The following VPS13B variants were observed in gnomAD, a reference collection of about 807,000 sequenced individuals.
VPS13B encodes vacuolar protein sorting 13 homolog B.
In VPS13B, 285 loss-of-function variants were observed where a neutral mutation model predicts 426.4. The ratio of observed to expected loss-of-function variants is 0.67; its 90% CI spans 0.61 to 0.74. The LOEUF (loss-of-function observed/expected upper bound fraction) is 0.74. Among genes scored for constraint, VPS13B ranks in the 30% least tolerant of loss-of-function variants. The pLI is 0.00. For missense variants in VPS13B, 4,537 were observed against 4,782.6 expected (o/e 0.95, Z 1.51); for synonymous variants, 1,676 against 1,676.4 (o/e 1.00, Z 0.01).
chr8:99,693,296 G>A (rs1831775566), intron 35 of VPS13B, among the ~76,000 whole-genome samples: 3 of 150,204 alleles, frequency 2.0e-5, no homozygotes, highest in African/African-American at 7.3e-5. Flanking sequence ...AAAATCCTCA[G>A]TAAAATACTG....
intron 28 of VPS13B, among the ~76,000 whole-genome samples, chr8:99,510,892 G>A (rs553554839): frequency 6.6e-6 from 1 of 152,228 alleles, no homozygotes; most frequent in South Asian, 2.1e-4. Flanking sequence ...TCTAGAACTG[G>A]AACTCAGGAT....
At chr8:99,519,084 G>A (rs189640615) in intron 29 of VPS13B, among the ~76,000 whole-genome samples, 131 of 152,322 alleles carry the variant, frequency 8.6e-4, no homozygotes, top group African/African-American at 3.1e-3. Context: ...AGAGTAAAAT[G>A]TAAATGTATT....
intron 17 of VPS13B, among the ~76,000 whole-genome samples, chr8:99,216,320 A>G (rs1195856900): frequency 6.6e-6 from 1 of 152,088 alleles, no homozygotes; most frequent in Non-Finnish European, 1.5e-5. Flanking sequence ...TACTTGGCTT[A>G]TAACCACTTA....
chr8:99,206,550 C>A (rs1814736006), intron 17 of VPS13B, among the ~76,000 whole-genome samples: 1 of 152,164 alleles, frequency 6.6e-6, no homozygotes, highest in South Asian at 2.1e-4. Flanking sequence ...AGCCAAGCAA[C>A]CTTTACTTAC....
At chr8:99,819,696 C>A in intron 48 of VPS13B, 114 bp downstream of exon 48, 1 of 1,291,530 alleles carries the variant, frequency 7.7e-7, no homozygotes, top group Non-Finnish European at 1.1e-6. Flanking sequence ...CAGATTCTTA[C>A]CTTTTATCAT....
intron 47 of VPS13B, 25 bp from the exon 48 acceptor site, chr8:99,819,387 C>T: frequency 6.2e-7 from 1 of 1,611,228 alleles, no homozygotes; most frequent in Non-Finnish European, 8.5e-7. Flanking sequence ...GATAATTATT[C>T]TTGGTTTTTA....
chr8:99,731,086 A>G (rs1010202964), intron 39 of VPS13B, among the ~76,000 whole-genome samples: 2 of 152,154 alleles, frequency 1.3e-5, no homozygotes, highest in Admixed American at 6.5e-5. Context: ...GGCAGAACAT[A>G]TTTCTGGGAA....
At position 99,642,227 on chromosome 8, in the gene VPS13B, C is replaced by G; in HGVS notation, c.5637C>G (p.Ser1879Arg). Reference sequence around the variant, plus strand: ...CAGCAGAAGATCTCTTAAGGAGCAGCATTTCTTTTCCTTCAGGGAAAAAAA... The same window carrying G: ...CAGCAGAAGATCTCTTAAGGAGCAGGATTTCTTTTCCTTCAGGGAAAAAAA... ...TVTAEDLLRS[S>R]ISFPSGKKIG... Residue 1879 changes from serine to arginine, a missense_variant, in exon 34 of 62, where the codon AGC (serine) becomes AGG (arginine). By Grantham distance (110) the Ser-to-Arg change is moderately radical. This residue lies in a region of VPS13B where 4,311 missense variants were observed against 4,474.3 expected (regional missense o/e 0.96). Coordinates refer to ENST00000357162, the MANE Select transcript of VPS13B (RefSeq NM_152564.5). 6.2e-7 allele frequency: 1 copy of G among 1,614,156 alleles called. No homozygotes were observed. The highest frequency in any genetic ancestry group is 8.5e-7 in the Non-Finnish European group (1 of 1,180,024).
intron 43 of VPS13B, among the ~76,000 whole-genome samples, chr8:99,800,691 C>T (rs890294529): frequency 6.6e-6 from 1 of 151,992 alleles, no homozygotes; most frequent in Non-Finnish European, 1.5e-5. Flanking sequence ...AAAAATGCTA[C>T]TATTTTCCCC....
At chr8:99,604,585 C>T (rs568183761) in intron 33 of VPS13B, among the ~76,000 whole-genome samples, 116 of 149,708 alleles carry the variant, frequency 7.7e-4, no homozygotes, top group Admixed American at 1.3e-3. Flanking sequence ...CTGCAAGCTC[C>T]GCCTCCCGGG....
Position 99,326,076 on chromosome 8 carries a change from T to C in VPS13B, c.2824+50822T>C, listed in dbSNP as rs549379214. On this transcript the variant is annotated intron_variant, in intron 19 of 61. Transcript: ENST00000357162. ...AAAAATTATTTCTTACTCTACAGTT[T>C]TCCTTCTTGGCAATTTCTTATTGCA... Among the ~76,000 whole-genome samples, 22 of 152,288 alleles carry C rather than the reference T, an allele frequency of 1.4e-4. No individual in the cohort carries two copies. In the East Asian group the frequency reaches 3.9e-3, roughly 27 times the overall value.
intron 19 of VPS13B, among the ~76,000 whole-genome samples, chr8:99,316,987 T>A: frequency 6.6e-6 from 1 of 152,248 alleles, no homozygotes; most frequent in East Asian, 1.9e-4. Flanking sequence ...GAAACAAATG[T>A]TCTTACTAAA....
At chr8:99,063,151 T>C (rs974173749) in intron 3 of VPS13B, among the ~76,000 whole-genome samples, 1 of 152,198 alleles carries the variant, frequency 6.6e-6, no homozygotes, top group African/African-American at 2.4e-5. Context: ...CCCAGCGTGA[T>C]TGACACAGAA....
intron 51 of VPS13B, among the ~76,000 whole-genome samples, chr8:99,827,136 G>A (rs915738530): frequency 6.6e-6 from 1 of 152,190 alleles, no homozygotes; most frequent in African/African-American, 2.4e-5. Flanking sequence ...AATAGTTTCA[G>A]AAGGAATGAT....
intron 22 of VPS13B, among the ~76,000 whole-genome samples, chr8:99,440,299 T>G (rs564436828): frequency 6.6e-6 from 1 of 152,066 alleles, no homozygotes; most frequent in African/African-American, 2.4e-5. Flanking sequence ...AACCAGATGG[T>G]TTCCATGAAC....
chr8:99,160,802 A>G (rs1811610378), intron 15 of VPS13B, among the ~76,000 whole-genome samples: 1 of 152,206 alleles, frequency 6.6e-6, no homozygotes, highest in Admixed American at 6.5e-5. Context: ...GTAACGCAAA[A>G]ATAAACCAAT....
chr8:99,068,566 T>C (rs1268184327), intron 3 of VPS13B, among the ~76,000 whole-genome samples: 1 of 152,220 alleles, frequency 6.6e-6, no homozygotes, highest in East Asian at 1.9e-4. Context: ...GTTTTCACAC[T>C]GCTATAGAGA....
intron 28 of VPS13B, among the ~76,000 whole-genome samples, chr8:99,510,418 G>T (rs1329319857): frequency 6.6e-6 from 1 of 152,176 alleles, no homozygotes; most frequent in African/African-American, 2.4e-5. Flanking sequence ...TCTGTGACCT[G>T]TGATACTTTT....
At chr8:99,785,425 A>G (rs188551787) in intron 43 of VPS13B, among the ~76,000 whole-genome samples, 73 of 152,236 alleles carry the variant, frequency 4.8e-4, no homozygotes, top group Non-Finnish European at 7.8e-4. Flanking sequence ...TTGCCACACT[A>G]TTGGTATACA....
Sources: allele counts gnomAD v4.1 joint callset (sites outside exome capture counted in the v4.1 genomes callset), GRCh38; gene constraint gnomAD v4.1.1; regional missense constraint gnomAD v4.1.1; transcripts MANE v1.5; gene names NCBI Gene and HGNC (gene_info 2026-07-23, HGNC 2026-07-21).